The following GRM8 variants were observed in gnomAD, a reference collection of about 807,000 sequenced individuals.
GRM8 encodes metabotropic glutamate receptor 8.
A neutral mutation model predicts 87.2 loss-of-function variants in GRM8; 47 were observed. The ratio of observed to expected loss-of-function variants is 0.54; its 90% confidence interval spans 0.43 to 0.69. GRM8 has a LOEUF of 0.69. GRM8 is among the 30% of genes least tolerant of loss of function. The pLI is 0.00. For missense variants in GRM8, 1,019 were observed against 1,139.2 expected, an observed-to-expected ratio of 0.89 and a Z score of 1.52; for synonymous variants, 396 against 404.5, an observed-to-expected ratio of 0.98 and a Z score of 0.25.
intron 8 of GRM8, among the ~76,000 whole-genome samples, chr7:126,598,015 C>A (rs1797373264): frequency 6.6e-6 from 1 of 151,816 alleles, no homozygotes; most frequent in Admixed American, 6.6e-5. Context: ...ACTAGAACTC[C>A]TTCCTTCTAG....
At chr7:126,599,946 G>T (rs930540938) in intron 8 of GRM8, among the ~76,000 whole-genome samples, 16 of 152,084 alleles carry the variant, frequency 1.1e-4, no homozygotes, top group African/African-American at 3.4e-4. Flanking sequence ...TTTACAAAAT[G>T]AATATATGAA....
chr7:126,678,309 T>C (rs1393260285), intron 7 of GRM8, among the ~76,000 whole-genome samples: 1 of 152,214 alleles, frequency 6.6e-6, no homozygotes, highest in Non-Finnish European at 1.5e-5. Context: ...TAAGTAGATA[T>C]AGACTAGTGT....
At chr7:126,925,480 ACTT>A (rs1804997109) in intron 3 of GRM8, among the ~76,000 whole-genome samples, 4 of 152,198 alleles carry the variant, frequency 2.6e-5, no homozygotes, top group Admixed American at 2.6e-4. Context: ...GGTATTTTTT[ACTT>A]TTTTAATTGT....
chr7:127,223,396 C>T (rs978714386), intron 2 of GRM8, among the ~76,000 whole-genome samples: 2 of 150,764 alleles, frequency 1.3e-5, no homozygotes, highest in Non-Finnish European at 3.0e-5. Context: ...AAAATGAAAA[C>T]TTTTAGATAA....
intron 3 of GRM8, among the ~76,000 whole-genome samples, chr7:126,980,713 C>T (rs1218017317): frequency 5.3e-5 from 8 of 152,190 alleles, no homozygotes; most frequent in African/African-American, 1.9e-4. Flanking sequence ...GATAGTTCTT[C>T]AGAATTTCTC....
chr7:126,625,690 G>A (rs1158776395), intron 7 of GRM8, among the ~76,000 whole-genome samples: 1 of 151,994 alleles, frequency 6.6e-6, no homozygotes, highest in Non-Finnish European at 1.5e-5. Context: ...TTTAAAATAG[G>A]AAAAGACCCA....
intron 6 of GRM8, among the ~76,000 whole-genome samples, chr7:126,830,742 G>C (rs996851210): frequency 3.9e-4 from 60 of 152,330 alleles, no homozygotes; most frequent in African/African-American, 1.4e-3. Context: ...TCTGTTGCTG[G>C]TGAGGAACTG....
chr7:126,965,245 C>T (rs1809727502), intron 3 of GRM8, among the ~76,000 whole-genome samples: 1 of 151,948 alleles, frequency 6.6e-6, no homozygotes. Context: ...ACCACCATGA[C>T]ACGAATATAC....
chr7:126,708,753 A>G (rs1810803928), intron 7 of GRM8, among the ~76,000 whole-genome samples: 1 of 152,084 alleles, frequency 6.6e-6, no homozygotes, highest in African/African-American at 2.4e-5. Context: ...AATCTACAAG[A>G]GTTGAACTCA....
chr7:126,819,728 C>T (rs1794127915), intron 6 of GRM8, among the ~76,000 whole-genome samples: 1 of 151,830 alleles, frequency 6.6e-6, no homozygotes, highest in African/African-American at 2.4e-5. Context: ...GAAATATTAA[C>T]AATGTAAATA....
At chr7:127,193,797 C>G (rs919275870) in intron 2 of GRM8, among the ~76,000 whole-genome samples, 10 of 152,144 alleles carry the variant, frequency 6.6e-5, no homozygotes, top group African/African-American at 2.4e-4. Flanking sequence ...ACTTAGATTC[C>G]AGCCCATCCA....
At chr7:126,832,798 T>C (rs1190135763) in intron 6 of GRM8, among the ~76,000 whole-genome samples, 2 of 152,246 alleles carry the variant, frequency 1.3e-5, no homozygotes, top group Non-Finnish European at 2.9e-5. Context: ...TTTGCAGTTA[T>C]TCCCTGGCTA....
At chr7:127,132,751 A>C (rs1466497269) in intron 2 of GRM8, among the ~76,000 whole-genome samples, 1 of 152,026 alleles carries the variant, frequency 6.6e-6, no homozygotes, top group African/African-American at 2.4e-5. Flanking sequence ...AGCTGATGTA[A>C]TTATGCCAAG....
At chr7:126,727,749 A>C (rs2151474150) in intron 7 of GRM8, among the ~76,000 whole-genome samples, 1 of 149,742 alleles carries the variant, frequency 6.7e-6, no homozygotes, top group South Asian at 2.1e-4. Flanking sequence ...ACCCCTAAAA[A>C]AACAAAACTA....
chr7:126,743,900 T>TAAA lies in GRM8; in HGVS notation c.1357+25962_1357+25964dup, dbSNP rs34790716. Among the ~76,000 whole-genome samples the TAAA allele has an allele frequency of 7.3e-5, 11 of 150,472 alleles. No homozygotes were observed. The East Asian group carries it at 2.0e-3, about 27-fold the overall frequency. ...ATTGTGTTGACATTTGCACTTATGG[T>TAAA]AAAAAAAAATAAGAAAAAGAAAAAG... On this transcript the variant is annotated intron_variant, in intron 7 of 10. Coordinates refer to ENST00000339582, the MANE Select transcript of GRM8 (RefSeq NM_000845.3).
intron 9 of GRM8, among the ~76,000 whole-genome samples, chr7:126,522,790 C>T (rs1191205136): frequency 1.3e-5 from 2 of 152,098 alleles, no homozygotes; most frequent in Non-Finnish European, 2.9e-5. Flanking sequence ...TTTCTTCATC[C>T]GTTCACCATC....
intron 6 of GRM8, among the ~76,000 whole-genome samples, chr7:126,786,294 GT>G (rs1442513676): frequency 1.3e-5 from 2 of 152,042 alleles, no homozygotes; most frequent in African/African-American, 4.8e-5. Flanking sequence ...CTCTTTTCTA[GT>G]TTCACCTACT....
At chr7:126,705,918 T>C (rs557897403) in intron 7 of GRM8, among the ~76,000 whole-genome samples, 32 of 152,162 alleles carry the variant, frequency 2.1e-4, no homozygotes, top group Admixed American at 9.2e-4. Context: ...TATTATGTTA[T>C]GGGCTGTCTG....
intron 7 of GRM8, among the ~76,000 whole-genome samples, chr7:126,633,373 A>T (rs1801533662): frequency 6.6e-6 from 1 of 152,172 alleles, no homozygotes; most frequent in South Asian, 2.1e-4. Context: ...AGTTTCATCT[A>T]AAAGATGTTA....
Sources: allele counts gnomAD v4.1 joint callset (sites outside exome capture counted in the v4.1 genomes callset), GRCh38; gene constraint gnomAD v4.1.1; transcripts MANE v1.5; gene names NCBI Gene and HGNC (gene_info 2026-07-23, HGNC 2026-07-21).